The following REV3L variants were observed in gnomAD, a reference collection of about 807,000 sequenced individuals.
REV3L encodes the protein DNA polymerase zeta catalytic subunit.
Under a neutral mutation model 299.4 loss-of-function variants are expected in REV3L, and 69 were observed. The observed-to-expected ratio is 0.23, with a 90% CI of 0.19 to 0.28. REV3L has a LOEUF of 0.28. REV3L is among the 10% of genes least tolerant of loss of function. The pLI is 1.00. For synonymous variants in REV3L, 1,238 were observed against 1,271.4 expected, an observed-to-expected ratio of 0.97 and a Z score of 0.56; for missense variants, 3,128 against 3,693.8, an observed-to-expected ratio of 0.85 and a Z score of 3.97.
intron 1 of REV3L, among the ~76,000 whole-genome samples, chr6:111,468,104 C>T (rs1293334466): frequency 2.6e-5 from 4 of 152,104 alleles, no homozygotes; most frequent in Non-Finnish European, 5.9e-5. Flanking sequence ...TAAAACCAAA[C>T]CTAGAAGAGG....
chr6:111,366,967 AT>A (rs529726154), intron 14 of REV3L, 147 bp downstream of exon 14: 218 of 567,744 alleles, frequency 3.8e-4, no homozygotes, highest in African/African-American at 3.8e-3. Flanking sequence ...GACAGTTGCC[AT>A]GTGACGACTT....
At chr6:111,388,765 G>A (rs1480391452) in intron 7 of REV3L, among the ~76,000 whole-genome samples, 1 of 152,150 alleles carries the variant, frequency 6.6e-6, no homozygotes, top group Non-Finnish European at 1.5e-5. Context: ...TCTAAGTTGA[G>A]ATTCATGATC....
chr6:111,424,930 C>T (rs754052372), intron 1 of REV3L, among the ~76,000 whole-genome samples: 10 of 152,122 alleles, frequency 6.6e-5, no homozygotes, highest in Admixed American at 5.9e-4. Flanking sequence ...AAATGTCCAC[C>T]GGGGGCTTGG....
intron 1 of REV3L, among the ~76,000 whole-genome samples, chr6:111,474,646 G>C (rs1197124821): frequency 6.6e-6 from 1 of 152,134 alleles, no homozygotes; most frequent in African/African-American, 2.4e-5. Context: ...ACCCTTCTGT[G>C]AGCCATGTAA....
rs1223672353 is a variant in REV3L, at chr6:111,313,605, A to G, written c.8467-116T>C. ...GTATCAATTATTTAAAAAATTCTAT[A>G]TATGACTTTGGGCCCAACAAATTCA... On this transcript the variant is annotated intron_variant, in intron 27 of 31. Coordinates refer to ENST00000368802, the MANE Select transcript of REV3L (RefSeq NM_001372078.1). The G allele has an allele frequency of 1.3e-5, 14 of 1,078,716 alleles. No individual in the cohort carries two copies. The East Asian group carries it at 2.4e-4, about 19-fold the overall frequency. 66.8% of individuals were successfully genotyped at this position (1,078,716 alleles called of 1,614,324 possible).
chr6:111,415,450 T>C (rs900974740), intron 2 of REV3L, among the ~76,000 whole-genome samples: 1 of 152,186 alleles, frequency 6.6e-6, no homozygotes, highest in Non-Finnish European at 1.5e-5. Flanking sequence ...TGGAATTGAG[T>C]GTATAGTAGC....
At chr6:111,402,270 GA>G (rs979076331) in intron 4 of REV3L, among the ~76,000 whole-genome samples, 1 of 150,942 alleles carries the variant, frequency 6.6e-6, no homozygotes, top group African/African-American at 2.4e-5. Context: ...AAACTATACT[GA>G]AAAAAAAATG....
At chr6:111,357,461 G>A (rs1778208589) in intron 17 of REV3L, among the ~76,000 whole-genome samples, 1 of 152,166 alleles carries the variant, frequency 6.6e-6, no homozygotes, top group African/African-American at 2.4e-5. Flanking sequence ...GGGAGGCCGA[G>A]GCAGGCGGAT....
intron 26 of REV3L, among the ~76,000 whole-genome samples, chr6:111,321,591 A>C (rs1381364941): frequency 2.0e-5 from 3 of 152,228 alleles, no homozygotes; most frequent in Non-Finnish European, 4.4e-5. Flanking sequence ...GGATAATTTG[A>C]AACTATCCCC....
intron 1 of REV3L, chr6:111,431,585 C>T (rs181158141): frequency 1.9e-4 from 150 of 771,914 alleles, no homozygotes; most frequent in East Asian, 1.6e-3. Flanking sequence ...ATGCATCTCA[C>T]TGAACAAGTG....
At chr6:111,457,379 T>C (rs1192024468) in intron 1 of REV3L, among the ~76,000 whole-genome samples, 2 of 152,042 alleles carry the variant, frequency 1.3e-5, no homozygotes, top group African/African-American at 4.8e-5. Flanking sequence ...CATAAGTCAT[T>C]AGGGTTATTA....
In REV3L at chr6:111,387,965, A is replaced by C. The variant is rs1356004960; in HGVS notation, c.947+36T>G. 3 of 1,605,256 alleles carry C rather than the reference A, an allele frequency of 1.9e-6. No individual in the cohort carries two copies. The African/African-American group carries it at 4.0e-5, about 21-fold the overall frequency. On this transcript the variant is annotated intron_variant, in intron 8 of 31. Transcript: ENST00000368802. ...AACAGACTACATAACAAAGGAATAA[A>C]ATTAGTTCTGAGATCTATAATAAAT...
chr6:111,394,387 G>C (rs964965197), intron 4 of REV3L, among the ~76,000 whole-genome samples: 2 of 152,180 alleles, frequency 1.3e-5, no homozygotes, highest in African/African-American at 2.4e-5. Context: ...CTGATGATTA[G>C]TGATGTTGAA....
At chr6:111,338,311 C>CTTTTTTTTTTTTTTTTTTTTTTTTTTT (rs1776115188) in intron 21 of REV3L, among the ~76,000 whole-genome samples, 1 of 49,034 alleles carries the variant, frequency 2.0e-5, no homozygotes, top group Non-Finnish European at 3.5e-5. Flanking sequence ...AGTCTAAAGT[C>CTTTTTTTTTTTTTTTTTTTTTTTTTTT]CTTTTTTTTT....
chr6:111,331,601 A>G lies in REV3L; in HGVS notation c.8034+75T>C, dbSNP rs543272069. The G allele has an allele frequency of 6.4e-5, 63 of 977,644 alleles. 1 individual carries two copies. The South Asian group carries it at 1.1e-3, about 17-fold the overall frequency. 60.6% of individuals were successfully genotyped at this position (977,644 alleles called of 1,614,324 possible). A position where few individuals can be genotyped will look rare whatever the true frequency, so the allele number is the denominator to read the frequency against. ...TGTTTTTGTTTTCTATTATGTGCCA[A>G]CAATATCTAAACCATTATCAGCTCT... On this transcript the variant is annotated intron_variant, in intron 24 of 31. Transcript: ENST00000368802.
chr6:111,437,614 CATTTATGTGA>C (rs1354096031), intron 1 of REV3L, among the ~76,000 whole-genome samples: 1 of 151,690 alleles, frequency 6.6e-6, no homozygotes, highest in East Asian at 1.9e-4. Flanking sequence ...TATATGACTC[CATTTATGTGA>C]AATGTCCAAA....
chr6:111,389,360 T>A, intron 6 of REV3L, 150 bp from the exon 7 acceptor site: 1 of 621,644 alleles, frequency 1.6e-6, no homozygotes, highest in Non-Finnish European at 2.8e-6. Flanking sequence ...CTACACTTAC[T>A]ATGTTACTCC....
At chr6:111,346,931 A>C (rs1301273075) in intron 20 of REV3L, among the ~76,000 whole-genome samples, 1 of 152,200 alleles carries the variant, frequency 6.6e-6, no homozygotes, top group Non-Finnish European at 1.5e-5. Flanking sequence ...GTGTTTATAC[A>C]CTTAAAGTAT....
In REV3L at chr6:111,373,422, A is replaced by AATT; in HGVS notation, c.4930_4932dup (p.Asn1644dup). ...CCTATTGTGTTAATATCAAAATTAT[A>AATT]ATTATGTTCAGGAGATAAACTATCT... On this transcript the variant is annotated inframe_insertion, in exon 13 of 32. Coordinates refer to ENST00000368802, the MANE Select transcript of REV3L (RefSeq NM_001372078.1). 6.2e-7 allele frequency: 1 copy of AATT among 1,613,340 alleles called. No individual in the cohort carries two copies. The highest frequency in any genetic ancestry group is 8.5e-7 in the Non-Finnish European group (1 of 1,179,760).
Sources: allele counts gnomAD v4.1 joint callset (sites outside exome capture counted in the v4.1 genomes callset), GRCh38; gene constraint gnomAD v4.1.1; transcripts MANE v1.5; gene names NCBI Gene and HGNC (gene_info 2026-07-23, HGNC 2026-07-21).